The following NIN variants were observed in gnomAD, a reference collection of about 807,000 sequenced individuals.
NIN encodes glycogen synthase kinase 3 beta-interacting protein.
Under a neutral mutation model 257.6 loss-of-function variants are expected in NIN, and 137 were observed. The ratio of observed to expected loss-of-function variants is 0.53; its 90% CI spans 0.46 to 0.61. The LOEUF is 0.61. Among genes scored for constraint, NIN ranks in the 20% least tolerant of loss-of-function variants. The pLI is 0.00. For missense variants in NIN, 2,439 were observed against 2,501.2 expected (o/e 0.98, Z 0.53); for synonymous variants, 918 against 919.8 (o/e 1.00, Z 0.04).
intron 21 of NIN, among the ~76,000 whole-genome samples, chr14:50,748,712 T>C (rs1279033939): frequency 6.6e-6 from 1 of 152,176 alleles, no homozygotes; most frequent in Non-Finnish European, 1.5e-5. Flanking sequence ...CATTCACAAT[T>C]GCTATAAAGA....
intron 4 of NIN, 99 bp downstream of exon 4, chr14:50,806,638 G>C: frequency 1.6e-6 from 1 of 616,340 alleles, no homozygotes; most frequent in Non-Finnish European, 2.9e-6. Flanking sequence ...GTGAAAGGCA[G>C]ATGTCCCCAA....
At chr14:50,763,731 T>C in intron 15 of NIN, 95 bp downstream of exon 15, 1 of 1,134,502 alleles carries the variant, frequency 8.8e-7, no homozygotes, top group South Asian at 1.7e-5. Flanking sequence ...TTTTTTTCTT[T>C]TTTCAAGTTG....
intron 17 of NIN, 34 bp from the exon 18 acceptor site, chr14:50,758,664 T>C: frequency 6.6e-7 from 1 of 1,515,104 alleles, no homozygotes; most frequent in South Asian, 1.3e-5. Flanking sequence ...TTATTGAAAC[T>C]GCCGCCAACT....
At chr14:50,798,985 G>T (rs2043963539) in intron 4 of NIN, among the ~76,000 whole-genome samples, 2 of 152,146 alleles carry the variant, frequency 1.3e-5, no homozygotes, top group South Asian at 4.1e-4. Context: ...CACCACGTTG[G>T]CCAGATGGTC....
Position 50,757,620 on chromosome 14 carries a change from C to T in NIN, c.3410G>A (p.Gly1137Asp), listed in dbSNP as rs747801398. The T allele has an allele frequency of 3.1e-6, 5 of 1,614,152 alleles. No individual in the cohort carries two copies. Among genetic ancestry groups the T allele is most frequent in the Non-Finnish European group, 3.4e-6 (4 of 1,180,038 alleles). Residue 1137 changes from glycine to aspartate, a missense_variant, in exon 18 of 31, where the codon GGT (glycine) becomes GAT (aspartate). Gly to Asp is a moderately conservative substitution (Grantham distance 94). Around this residue, in one of 3 missense-constraint regions of NIN, gnomAD observed 2,043 missense variants for 2,050.2 expected, o/e 1.00. Transcript: ENST00000530997. ...ACTTAGGACATGCCGCCTGGTCACA[C>T]CTTCTACTTGCTTCGTTCGGTTTTG... ...LQQNRTKQVE[G>D]VTRRHVLSDL...
chr14:50,729,836 C>G lies in NIN; in HGVS notation c.5878-113G>C, dbSNP rs143730968. ...CTATTAATTCATTAATAACCCCAGA[C>G]CCACTGAAACTTGGAAACAGGACAG... is the stretch of plus-strand genomic sequence containing the variant. On this transcript the variant is annotated intron_variant, in intron 28 of 30. Coordinates refer to ENST00000530997, the MANE Select transcript of NIN (RefSeq NM_020921.4). The G allele has an allele frequency of 4.4e-4, 335 of 759,214 alleles. 1 individual carries two copies. In the African/African-American group the frequency reaches 5.1e-3, roughly 12 times the overall value. 47.0% of individuals were successfully genotyped at this position (759,214 alleles called of 1,614,324 possible).
At chr14:50,727,871 A>G in intron 29 of NIN, 3 of 728,690 alleles carry the variant, frequency 4.1e-6, no homozygotes, top group Non-Finnish European at 6.5e-6. Flanking sequence ...TTAACACTAC[A>G]TAGGCAAGCA....
chr14:50,804,090 T>C (rs1190081334), intron 4 of NIN, among the ~76,000 whole-genome samples: 1 of 151,662 alleles, frequency 6.6e-6, no homozygotes, highest in East Asian at 1.9e-4. Flanking sequence ...AGAGACGGGG[T>C]TTCGTCACGC....
In NIN at chr14:50,734,622, C is replaced by A. The variant is rs553523269; in HGVS notation, c.5877+894G>T. On this transcript the variant is annotated intron_variant, in intron 28 of 30. Coordinates refer to ENST00000530997, the MANE Select transcript of NIN (RefSeq NM_020921.4). ...TTAAACTCGGTATTCAGAAAGCAATCTAGAAGACTGGAACTCAAAGTCCAA... is the reference window on the plus strand; with the variant it reads ...TTAAACTCGGTATTCAGAAAGCAATATAGAAGACTGGAACTCAAAGTCCAA... 1.6e-4 allele frequency among the ~76,000 whole-genome samples: 24 copies of A among 152,296 alleles called. No homozygotes were observed. The South Asian group carries it at 4.6e-3, about 29-fold the overall frequency.
At chr14:50,807,795 T>G (rs78533984) in intron 3 of NIN, among the ~76,000 whole-genome samples, 1 of 152,224 alleles carries the variant, frequency 6.6e-6, no homozygotes, top group East Asian at 1.9e-4. Context: ...ATATCATGTC[T>G]TATCTATGCA....
chr14:50,766,133 A>G (rs2042477378), intron 14 of NIN, among the ~76,000 whole-genome samples, 174 bp downstream of exon 14: 1 of 151,970 alleles, frequency 6.6e-6, no homozygotes, highest in Non-Finnish European at 1.5e-5. Context: ...CACTGATGGA[A>G]TTTTTGCTAC....
At chr14:50,746,142 A>G (rs748422924) in intron 22 of NIN, among the ~76,000 whole-genome samples, 4 of 152,058 alleles carry the variant, frequency 2.6e-5, no homozygotes, top group Non-Finnish European at 5.9e-5. Flanking sequence ...TAGCAAAGCC[A>G]CAAAGCACAC....
At chr14:50,742,657 G>C (rs913922778) in intron 24 of NIN, among the ~76,000 whole-genome samples, 1 of 152,122 alleles carries the variant, frequency 6.6e-6, no homozygotes, top group Non-Finnish European at 1.5e-5. Flanking sequence ...GCCTCCCAAA[G>C]TGCTGGGATT....
intron 15 of NIN, among the ~76,000 whole-genome samples, chr14:50,762,920 T>G (rs1027092548): frequency 1.3e-5 from 2 of 152,108 alleles, no homozygotes; most frequent in South Asian, 2.1e-4. Context: ...ATGGTACAGC[T>G]TCTTGTCCTC....
chr14:50,826,362 A>C (rs1482200153), intron 2 of NIN, among the ~76,000 whole-genome samples: 1 of 152,188 alleles, frequency 6.6e-6, no homozygotes, highest in Non-Finnish European at 1.5e-5. Context: ...CTAACTGGGG[A>C]TGGTTAAATA....
chr14:50,759,123 CAAAT>C (rs1352512416), intron 17 of NIN, among the ~76,000 whole-genome samples: 1 of 152,196 alleles, frequency 6.6e-6, no homozygotes, highest in African/African-American at 2.4e-5. Context: ...ACAAAGCCCT[CAAAT>C]AAACCTGGGA....
chr14:50,786,009 G>T (rs547903154), intron 5 of NIN, among the ~76,000 whole-genome samples: 1 of 152,188 alleles, frequency 6.6e-6, no homozygotes, highest in Non-Finnish European at 1.5e-5. Context: ...GCATGCGGGG[G>T]ATGACAGGAA....
At chr14:50,725,292 G>A (rs2040365932) in intron 30 of NIN, among the ~76,000 whole-genome samples, 1 of 152,058 alleles carries the variant, frequency 6.6e-6, no homozygotes, top group African/African-American at 2.4e-5. Context: ...CACTCTCCCA[G>A]AGGGTAGTAC....
chr14:50,825,677 C>G lies in NIN; in HGVS notation c.-21-3600G>C, dbSNP rs141248229. ...TGTGACACTGAATTATATTATCCCT[C>G]AATCCTACACATGCACACAGAACAC... On this transcript the variant is annotated intron_variant, in intron 2 of 30. Coordinates refer to ENST00000530997, the MANE Select transcript of NIN (RefSeq NM_020921.4). Among the ~76,000 whole-genome samples the G allele has an allele frequency of 9.9e-5, 15 of 152,280 alleles. No individual in the cohort carries two copies. The East Asian group carries it at 2.3e-3, about 23-fold the overall frequency.
Sources: gnomAD v4.1 joint callset for allele counts (sites outside exome capture counted in the v4.1 genomes callset) on GRCh38, gnomAD v4.1.1 for gene constraint, gnomAD v4.1.1 regional missense constraint, MANE v1.5 for transcripts, NCBI Gene and HGNC (gene_info 2026-07-23, HGNC 2026-07-21) for gene names.